SUPT3H: variants seen among roughly 807,000 people sequenced by gnomAD.
SUPT3H encodes SPT3 homolog, SAGA and STAGA complex component, also known as transcription initiation protein SPT3 homolog.
Under a neutral mutation model 44.3 loss-of-function variants are expected in SUPT3H, and 44 were observed. That is an observed-to-expected ratio of 0.99 (90% CI 0.78 to 1.28). The LOEUF is 1.28. Ranked by LOEUF, SUPT3H falls within the 50% of genes most tolerant of loss-of-function variation. The probability of loss-of-function intolerance (pLI) is 0.00; values close to 1 mark genes in which losing one functional copy is unlikely to be tolerated. For synonymous variants in SUPT3H, 124 were observed against 125.6 expected, an observed-to-expected ratio of 0.99 and a Z score of 0.09; for missense variants, 380 against 387.1, an observed-to-expected ratio of 0.98 and a Z score of 0.15.
intron 2 of SUPT3H, among the ~76,000 whole-genome samples, chr6:45,354,586 T>G (rs1337387477): frequency 1.3e-5 from 2 of 151,760 alleles, no homozygotes; most frequent in Non-Finnish European, 2.9e-5. Context: ...CATTTAAGGC[T>G]TCCTGATTTA....
intron 2 of SUPT3H, among the ~76,000 whole-genome samples, chr6:45,206,041 C>G (rs1413644452): frequency 6.6e-6 from 1 of 152,034 alleles, no homozygotes; most frequent in East Asian, 1.9e-4. Flanking sequence ...ATTTGACATT[C>G]CATTATATTA....
chr6:45,348,017 A>G (rs888624704), intron 2 of SUPT3H, among the ~76,000 whole-genome samples: 1 of 151,986 alleles, frequency 6.6e-6, no homozygotes, highest in Non-Finnish European at 1.5e-5. Context: ...ATAGGTATGT[A>G]TGCATGTGTA....
intron 2 of SUPT3H, among the ~76,000 whole-genome samples, chr6:45,176,425 C>T (rs890648857): frequency 3.3e-5 from 5 of 152,130 alleles, no homozygotes; most frequent in Admixed American, 2.0e-4. Context: ...GAGGGTCCTA[C>T]GCCCACGGAG....
intron 3 of SUPT3H, among the ~76,000 whole-genome samples, chr6:45,050,878 A>AT (rs35575281): frequency 0.34 from 29,541 of 86,248 alleles, 6,014 homozygotes; most frequent in East Asian, 0.56. Flanking sequence ...AGGGTATGGG[A>AT]TTTTTTTTTT....
chr6:45,342,386 C>T (rs1427185263), intron 2 of SUPT3H, among the ~76,000 whole-genome samples: 1 of 152,028 alleles, frequency 6.6e-6, no homozygotes, highest in South Asian at 2.1e-4. Flanking sequence ...CTCAGCCTCC[C>T]GAGTAGCTAG....
At chr6:44,876,814 A>C (rs1245831015) in intron 10 of SUPT3H, among the ~76,000 whole-genome samples, 1 of 150,968 alleles carries the variant, frequency 6.6e-6, no homozygotes, top group African/African-American at 2.4e-5. Context: ...AAAGCCTACA[A>C]TAAAAATAAA....
At chr6:44,911,399 T>C (rs1412700470) in intron 10 of SUPT3H, among the ~76,000 whole-genome samples, 1 of 152,186 alleles carries the variant, frequency 6.6e-6, no homozygotes, top group African/African-American at 2.4e-5. Flanking sequence ...AATGTCACTG[T>C]TATTGACACA....
chr6:45,056,682 G>A (rs1339712572), intron 3 of SUPT3H, among the ~76,000 whole-genome samples: 1 of 152,104 alleles, frequency 6.6e-6, no homozygotes, highest in South Asian at 2.1e-4. Flanking sequence ...TGACACAGTG[G>A]ACTTTGGGGA....
chr6:44,820,088 A>G (rs980425744), intron 11 of SUPT3H, among the ~76,000 whole-genome samples: 4 of 151,234 alleles, frequency 2.6e-5, no homozygotes, highest in Admixed American at 2.6e-4. Flanking sequence ...GCATGGTGGC[A>G]TGCGCCTGTG....
At chr6:44,874,889 C>T (rs1429805835) in intron 10 of SUPT3H, among the ~76,000 whole-genome samples, 3 of 147,072 alleles carry the variant, frequency 2.0e-5, no homozygotes, top group African/African-American at 7.7e-5. Flanking sequence ...CACGAGTGAA[C>T]TCCCATTCAC....
At position 45,205,915 on chromosome 6, in the gene SUPT3H, T is replaced by G. The variant is rs189783191; in HGVS notation, c.102-99909A>C. Among the ~76,000 whole-genome samples, 10 of 152,336 alleles carry G rather than the reference T, an allele frequency of 6.6e-5. No homozygotes were observed. In the East Asian group the frequency reaches 1.7e-3, roughly 26 times the overall value. Reference sequence around the variant, plus strand: ...AGATCAGCTCACTGCCTTTTTCTTATGATCAGCTACAATTATTTTCACAGA... The same window carrying G: ...AGATCAGCTCACTGCCTTTTTCTTAGGATCAGCTACAATTATTTTCACAGA... On this transcript the variant is annotated intron_variant, in intron 2 of 10. Coordinates refer to ENST00000371459, the MANE Select transcript of SUPT3H (RefSeq NM_003599.4).
At chr6:45,052,123 T>A (rs1230014569) in intron 3 of SUPT3H, among the ~76,000 whole-genome samples, 1 of 152,202 alleles carries the variant, frequency 6.6e-6, no homozygotes, top group Non-Finnish European at 1.5e-5. Context: ...TATTGTCTGA[T>A]AGAATGATAT....
chr6:45,074,032 G>A (rs558276141), intron 3 of SUPT3H, among the ~76,000 whole-genome samples: 2 of 151,972 alleles, frequency 1.3e-5, no homozygotes, highest in Admixed American at 6.6e-5. Flanking sequence ...AAACAGAAAA[G>A]CAATTAAATT....
intron 2 of SUPT3H, among the ~76,000 whole-genome samples, chr6:45,298,570 C>T (rs4236086): frequency 0.15 from 22,691 of 150,958 alleles, 1,939 homozygotes; most frequent in East Asian, 0.26. Context: ...CTCCTGACCT[C>T]GTGATCCATC....
At chr6:44,850,813 A>G (rs916270515) in intron 10 of SUPT3H, among the ~76,000 whole-genome samples, 2 of 150,034 alleles carry the variant, frequency 1.3e-5, no homozygotes, top group Admixed American at 1.3e-4. Context: ...CCTTGTATGT[A>G]CAAACATATA....
At chr6:44,934,691 G>A (rs1771135169) in intron 9 of SUPT3H, among the ~76,000 whole-genome samples, 1 of 152,202 alleles carries the variant, frequency 6.6e-6, no homozygotes, top group African/African-American at 2.4e-5. Flanking sequence ...GCCATGTGAG[G>A]TTTGGGTGAA....
downstream of SUPT3H, among the ~76,000 whole-genome samples, chr6:44,825,206 C>A (rs1767651382): frequency 6.6e-6 from 1 of 152,128 alleles, no homozygotes; most frequent in African/African-American, 2.4e-5. Context: ...TGATTATATA[C>A]ATTTATCTTG....
At chr6:45,127,427 C>T (rs892013151) in intron 2 of SUPT3H, among the ~76,000 whole-genome samples, 4 of 152,182 alleles carry the variant, frequency 2.6e-5, no homozygotes, top group African/African-American at 9.7e-5. Flanking sequence ...ATCATTTAAA[C>T]TCCACAACAA....
At chr6:44,890,368 A>C (rs1440348143) in intron 10 of SUPT3H, among the ~76,000 whole-genome samples, 2 of 151,986 alleles carry the variant, frequency 1.3e-5, no homozygotes, top group Admixed American at 6.6e-5. Context: ...CCAAATGTCC[A>C]ACAATGATAG....
Sources: allele counts gnomAD v4.1 joint callset (sites outside exome capture counted in the v4.1 genomes callset), GRCh38; gene constraint gnomAD v4.1.1; transcripts MANE v1.5; gene names NCBI Gene and HGNC (gene_info 2026-07-23, HGNC 2026-07-21).